Variants in SHANK2 observed in about 807,000 individuals in gnomAD.
The protein encoded by SHANK2 is SH3 and multiple ankyrin repeat domains protein 2.
In SHANK2, 43 loss-of-function variants were observed where a neutral mutation model predicts 133.7. That is an observed-to-expected ratio of 0.32 (90% confidence interval 0.25 to 0.41). The LOEUF (loss-of-function observed/expected upper bound fraction) is 0.41, where lower values mean the gene tolerates loss of function less well. Among genes scored for constraint, SHANK2 ranks in the 10% least tolerant of loss-of-function variants. The pLI is 1.00. For synonymous variants in SHANK2, 1,017 were observed against 952.8 expected, an observed-to-expected ratio of 1.07 and a Z score of -1.24; for missense variants, 1,994 against 2,235.8, an observed-to-expected ratio of 0.89 and a Z score of 2.18.
rs538771970 is a variant in SHANK2, at chr11:71,225,823, A to C, written c.-112-1027T>G. ...TTCACCAAAGATATAAAAAAGAATC[A>C]AGTGAAAATGATAGAACTGGCCGGG... On this transcript the variant is annotated intron_variant, in intron 1 of 25. Transcript: ENST00000601538. Among the ~76,000 whole-genome samples, 8 of 152,336 alleles carry C rather than the reference A, an allele frequency of 5.3e-5. No homozygotes were observed. The East Asian group carries it at 1.5e-3, about 29-fold the overall frequency.
chr11:70,531,069 C>T (rs782342036), intron 17 of SHANK2, among the ~76,000 whole-genome samples: 16 of 150,466 alleles, frequency 1.1e-4, no homozygotes, highest in Admixed American at 3.3e-4. Flanking sequence ...TCTGTAATCC[C>T]AGCTACTTGG....
chr11:70,568,918 G>T (rs1311683479), intron 17 of SHANK2, among the ~76,000 whole-genome samples: 3 of 152,186 alleles, frequency 2.0e-5, no homozygotes, highest in Admixed American at 2.0e-4. Context: ...TGAGAAGCCT[G>T]CCTGTGTCCA....
chr11:71,227,632 AC>A (rs1954662741), intron 1 of SHANK2, among the ~76,000 whole-genome samples: 1 of 152,188 alleles, frequency 6.6e-6, no homozygotes, highest in Non-Finnish European at 1.5e-5. Context: ...ACTTTAACAA[AC>A]CTTTCTCCAC....
At chr11:71,066,984 G>C (rs1009031737) in intron 9 of SHANK2, among the ~76,000 whole-genome samples, 1 of 152,208 alleles carries the variant, frequency 6.6e-6, no homozygotes, top group Non-Finnish European at 1.5e-5. Flanking sequence ...GGCATGGGTT[G>C]GAAACCTGGC....
intron 17 of SHANK2, 78 bp from the exon 18 acceptor site, chr11:70,503,009 C>G: frequency 2.0e-6 from 3 of 1,525,434 alleles, no homozygotes; most frequent in Non-Finnish European, 2.7e-6. Context: ...AAGGCAGAGA[C>G]ATGTGGGCTC....
chr11:71,221,385 G>A (rs1954537915), intron 2 of SHANK2, among the ~76,000 whole-genome samples: 1 of 152,134 alleles, frequency 6.6e-6, no homozygotes, highest in Admixed American at 6.6e-5. Context: ...AGGAGACGGT[G>A]GCCGGAGCGC....
At chr11:70,866,486 C>T (rs1949360885) in intron 11 of SHANK2, among the ~76,000 whole-genome samples, 1 of 152,158 alleles carries the variant, frequency 6.6e-6, no homozygotes, top group South Asian at 2.1e-4. Context: ...TAACATTTGG[C>T]TACAAAGAAG....
At chr11:70,679,891 G>A (rs1944989796) in intron 15 of SHANK2, among the ~76,000 whole-genome samples, 1 of 152,212 alleles carries the variant, frequency 6.6e-6, no homozygotes, top group Non-Finnish European at 1.5e-5. Context: ...CAAATCCACA[G>A]AGCCCAGGGT....
At chr11:71,118,131 T>A (rs1555100717) in intron 4 of SHANK2, among the ~76,000 whole-genome samples, 1 of 152,142 alleles carries the variant, frequency 6.6e-6, no homozygotes, top group African/African-American at 2.4e-5. Flanking sequence ...CCGTTCTCCA[T>A]GCCCAGGGCC....
At position 70,846,547 on chromosome 11, in the gene SHANK2, C is replaced by T. The variant is rs552574996; in HGVS notation, c.1175-25865G>A. On this transcript the variant is annotated intron_variant, in intron 11 of 25. Transcript: ENST00000601538. The stretch of plus-strand genomic sequence containing the variant: ...CTGGGATTATAGACATGAGCTGCTG[C>T]GCTCGGCCTCATCTGTCAATCAATA... Among the ~76,000 whole-genome samples the T allele has an allele frequency of 5.9e-5, 9 of 152,276 alleles. No individual in the cohort carries two copies. The South Asian group carries it at 1.2e-3, about 21-fold the overall frequency.
At position 70,855,627 on chromosome 11, in the gene SHANK2, G is replaced by A. The variant is rs539006527; in HGVS notation, c.1175-34945C>T. ...AATCCTGGTCTCCAACTTCACAAGA[G>A]GTAACGCTAAACCAGCAGACCCTGA... is the stretch of plus-strand genomic sequence containing the variant. On this transcript the variant is annotated intron_variant, in intron 11 of 25. Coordinates refer to ENST00000601538, the MANE Select transcript of SHANK2 (RefSeq NM_012309.5). 2.0e-5 allele frequency among the ~76,000 whole-genome samples: 3 copies of A among 152,376 alleles called. 1 individual carries two copies. Among genetic ancestry groups the A allele is most frequent in the African/African-American group, 4.8e-5 (2 of 41,586 alleles).
intron 2 of SHANK2, among the ~76,000 whole-genome samples, chr11:71,193,581 C>A (rs1352496799): frequency 1.3e-5 from 2 of 152,172 alleles, no homozygotes; most frequent in Admixed American, 6.5e-5. Context: ...ACTGTTAGGA[C>A]CAGAGTCCCC....
At chr11:70,555,142 C>T (rs1254226275) in intron 17 of SHANK2, among the ~76,000 whole-genome samples, 8 of 152,022 alleles carry the variant, frequency 5.3e-5, no homozygotes, top group African/African-American at 9.7e-5. Context: ...TGAATTTAAT[C>T]GATAAATATT....
At chr11:70,517,801 A>G (rs2059283664) in intron 17 of SHANK2, among the ~76,000 whole-genome samples, 1 of 152,202 alleles carries the variant, frequency 6.6e-6, no homozygotes, top group African/African-American at 2.4e-5. Flanking sequence ...GATATTATAC[A>G]TTTGGCAAAA....
At chr11:70,502,752 C>CCA (rs1555159050) in intron 18 of SHANK2, 44 bp downstream of exon 18, 1 of 1,345,040 alleles carries the variant, frequency 7.4e-7, no homozygotes, top group Non-Finnish European at 1.0e-6. Flanking sequence ...CCCCCCCCCC[C>CCA]CAGTAGGGCC....
intron 17 of SHANK2, among the ~76,000 whole-genome samples, chr11:70,613,995 C>T (rs1221156012): frequency 6.6e-6 from 1 of 152,080 alleles, no homozygotes; most frequent in Non-Finnish European, 1.5e-5. Context: ...CAACTCCTGA[C>T]CTCAAATTAT....
At chr11:70,889,492 C>T (rs1555074222) in intron 11 of SHANK2, among the ~76,000 whole-genome samples, 1 of 152,190 alleles carries the variant, frequency 6.6e-6, no homozygotes, top group Non-Finnish European at 1.5e-5. Flanking sequence ...CCTGAGCAGG[C>T]CCACGAAAGA....
chr11:70,647,896 T>C (rs938099381), intron 17 of SHANK2, among the ~76,000 whole-genome samples: 8 of 149,742 alleles, frequency 5.3e-5, no homozygotes, highest in African/African-American at 1.2e-4. Flanking sequence ...AATGACCACC[T>C]GACCCAGCAA....
chr11:70,947,211 AACAGCCCTGCAGT>A (rs1324637422), intron 10 of SHANK2, among the ~76,000 whole-genome samples: 42 of 151,266 alleles, frequency 2.8e-4, no homozygotes, highest in African/African-American at 9.5e-4. Context: ...AAGGTTAGAA[AACAGCCCTGCAGT>A]ACCCAAATGT....
Sources: gnomAD v4.1 joint callset for allele counts (sites outside exome capture counted in the v4.1 genomes callset) on GRCh38, gnomAD v4.1.1 for gene constraint, MANE v1.5 for transcripts, NCBI Gene and HGNC (gene_info 2026-07-23, HGNC 2026-07-21) for gene names.